Variants in UHRF1 observed in about 807,000 individuals in gnomAD.
UHRF1 encodes E3 ubiquitin-protein ligase UHRF1.
In UHRF1, 9 loss-of-function variants were observed where a neutral mutation model predicts 96.5. The observed-to-expected ratio is 0.09, with a 90% CI of 0.06 to 0.16. The LOEUF is 0.16. Among genes scored for constraint, UHRF1 ranks in the 10% least tolerant of loss-of-function variants. The probability of loss-of-function intolerance (pLI) is 1.00; values close to 1 mark genes in which losing one functional copy is unlikely to be tolerated. For synonymous variants in UHRF1, 455 were observed against 469.9 expected, an observed-to-expected ratio of 0.97 and a Z score of 0.41; for missense variants, 626 against 1,131.1, an observed-to-expected ratio of 0.55 and a Z score of 6.40.
chr19:4,941,235 C>T (rs375973149), intron 5 of UHRF1, among the ~76,000 whole-genome samples: 34 of 151,532 alleles, frequency 2.2e-4, no homozygotes, highest in South Asian at 1.5e-3. Flanking sequence ...GGATTACATG[C>T]GCGCTTCTCC....
intron 2 of UHRF1, among the ~76,000 whole-genome samples, chr19:4,917,097 A>T (rs1599245089): frequency 1.7e-5 from 2 of 116,862 alleles, no homozygotes; most frequent in East Asian, 2.6e-4. Flanking sequence ...GTGAGCTTTT[A>T]GTCTTAAGTT....
At chr19:4,929,087 A>G in intron 2 of UHRF1, 135 bp from the exon 3 acceptor site, 1 of 1,284,816 alleles carries the variant, frequency 7.8e-7, no homozygotes, top group Admixed American at 2.3e-5. Flanking sequence ...CCCAGGTATC[A>G]TGGCTCTTTA....
chr19:4,940,359 ATTTT>A (rs543779456), intron 5 of UHRF1, among the ~76,000 whole-genome samples: 40 of 67,060 alleles, frequency 6.0e-4, no homozygotes, highest in African/African-American at 2.0e-3. Context: ...TGCCTTTATG[ATTTT>A]TTTTTTTTTT....
intron 7 of UHRF1, among the ~76,000 whole-genome samples, chr19:4,943,653 G>A (rs2033476258): frequency 6.6e-6 from 1 of 151,474 alleles, no homozygotes; most frequent in African/African-American, 2.4e-5. Context: ...CAGAGAACCT[G>A]CTTTCTTTTT....
chr19:4,916,529 G>C (rs748531759), intron 2 of UHRF1, among the ~76,000 whole-genome samples: 11 of 152,076 alleles, frequency 7.2e-5, no homozygotes, highest in Non-Finnish European at 2.9e-5. Flanking sequence ...CCGAAGTGCC[G>C]CTCTAGGGTC....
chr19:4,926,964 G>A (rs2146322440), intron 2 of UHRF1, among the ~76,000 whole-genome samples: 1 of 152,290 alleles, frequency 6.6e-6, no homozygotes, highest in Admixed American at 6.5e-5. Context: ...TTGGGAGGCT[G>A]AGGCAGGAGA....
intron 2 of UHRF1, among the ~76,000 whole-genome samples, chr19:4,919,417 C>T (rs1430116776): frequency 6.6e-6 from 1 of 151,946 alleles, no homozygotes; most frequent in African/African-American, 2.4e-5. Flanking sequence ...ATTCTCCTGC[C>T]TCAGCCTCCC....
At chr19:4,951,769 G>A (rs1276675076) in intron 13 of UHRF1, among the ~76,000 whole-genome samples, 2 of 151,408 alleles carry the variant, frequency 1.3e-5, no homozygotes, top group Non-Finnish European at 2.9e-5. Context: ...ACGGAAAAAT[G>A]GGGAAGATGA....
At chr19:4,911,961 C>G (rs2032296113) in intron 2 of UHRF1, among the ~76,000 whole-genome samples, 1 of 152,148 alleles carries the variant, frequency 6.6e-6, no homozygotes, top group Non-Finnish European at 1.5e-5. Context: ...GGTACTGCTG[C>G]CATCTGGTGT....
At chr19:4,945,694 G>A (rs946694798) in intron 9 of UHRF1, among the ~76,000 whole-genome samples, 167 bp from the exon 10 acceptor site, 6 of 149,308 alleles carry the variant, frequency 4.0e-5, no homozygotes, top group South Asian at 2.1e-4. Context: ...GCTCAACTCC[G>A]GCCGTCTCTA....
At chr19:4,948,273 G>A (rs1050510184) in intron 11 of UHRF1, among the ~76,000 whole-genome samples, 4 of 152,130 alleles carry the variant, frequency 2.6e-5, no homozygotes, top group Admixed American at 6.6e-5. Flanking sequence ...GCAAAAGTAT[G>A]TGATAGGCCA....
intron 2 of UHRF1, among the ~76,000 whole-genome samples, chr19:4,924,536 G>A (rs1371527496): frequency 6.6e-6 from 1 of 152,118 alleles, no homozygotes; most frequent in African/African-American, 2.4e-5. Flanking sequence ...TGCCCACCTC[G>A]GCCTCCCAAA....
At chr19:4,932,345 G>A (rs1423632658) in intron 4 of UHRF1, among the ~76,000 whole-genome samples, 1 of 152,244 alleles carries the variant, frequency 6.6e-6, no homozygotes, top group Non-Finnish European at 1.5e-5. Flanking sequence ...TGGGATTACA[G>A]GCGTGGGCCA....
At chr19:4,932,130 G>T (rs910255591) in intron 4 of UHRF1, among the ~76,000 whole-genome samples, 2 of 152,086 alleles carry the variant, frequency 1.3e-5, no homozygotes, top group Non-Finnish European at 2.9e-5. Flanking sequence ...GTTTCTCCAT[G>T]TTGGCTGGTC....
chr19:4,922,096 G>A (rs1370814680), intron 2 of UHRF1, among the ~76,000 whole-genome samples: 5 of 151,814 alleles, frequency 3.3e-5, no homozygotes, highest in African/African-American at 4.8e-5. Context: ...ACAGGCGTGC[G>A]CCACCACACC....
intron 2 of UHRF1, among the ~76,000 whole-genome samples, chr19:4,928,433 C>A (rs1444173505): frequency 6.6e-6 from 1 of 152,140 alleles, no homozygotes; most frequent in African/African-American, 2.4e-5. Flanking sequence ...TCTCCAGCCC[C>A]CAGATACAGC....
chr19:4,932,819 C>T lies in UHRF1; in HGVS notation c.648C>T (p.Asp216=), dbSNP rs1017878142. The change falls in exon 5 of 17, where the codon GAC becomes GAT. Residue 216 remains aspartate (D), a synonymous_variant. Transcript: ENST00000650932. ...ARARTIIKWQ[D]LEVGQVVMLN... is the part of the protein sequence containing the mutation. ...CCCGCACCATCATCAAGTGGCAGGA[C>T]CTGGAGGTGGGCCAGGTGGTCATGC... 1 of 1,613,834 alleles carries T rather than the reference C, an allele frequency of 6.2e-7. No homozygotes were observed. The highest frequency in any genetic ancestry group is 1.1e-5 in the South Asian group (1 of 91,082).
At chr19:4,940,861 C>T (rs919518675) in intron 5 of UHRF1, among the ~76,000 whole-genome samples, 5 of 151,648 alleles carry the variant, frequency 3.3e-5, no homozygotes, top group African/African-American at 1.2e-4. Context: ...TTAGTAGAGA[C>T]AGGGTTTTAC....
At chr19:4,957,725 G>A (rs1177311419) in intron 16 of UHRF1, among the ~76,000 whole-genome samples, 3 of 152,158 alleles carry the variant, frequency 2.0e-5, no homozygotes, top group African/African-American at 7.2e-5. Flanking sequence ...GGGCACTGCA[G>A]GGTGCTGAGC....
Sources: gnomAD v4.1 joint callset for allele counts (sites outside exome capture counted in the v4.1 genomes callset) on GRCh38, gnomAD v4.1.1 for gene constraint, MANE v1.5 for transcripts, NCBI Gene and HGNC (gene_info 2026-07-23, HGNC 2026-07-21) for gene names.